The following NUP62CL variants were observed in gnomAD, a reference collection of about 807,000 sequenced individuals.
NUP62CL encodes nucleoporin-62 C-terminal-like protein.
NUP62CL carries 13 observed loss-of-function variants against 15.3 expected under a neutral mutation model. The ratio of observed to expected loss-of-function variants is 0.85; its 90% CI spans 0.55 to 1.35. The LOEUF (loss-of-function observed/expected upper bound fraction) is 1.35. Ranked by LOEUF, NUP62CL falls within the 40% of genes most tolerant of loss-of-function variation. The pLI, the probability that NUP62CL is intolerant of heterozygous loss-of-function variation, is 0.00. For missense variants in NUP62CL, 123 were observed against 130.6 expected (o/e 0.94, Z 0.28); for synonymous variants, 54 against 49.2 (o/e 1.10, Z -0.41).
At position 107,175,510 on chromosome X, in the gene NUP62CL, T is replaced by A. The variant is rs766733485; in HGVS notation, c.-47-317A>T. Among the ~76,000 whole-genome samples, 5 of 111,818 alleles carry A rather than the reference T, an allele frequency of 4.5e-5. No homozygotes were observed. The East Asian group carries it at 1.4e-3, about 32-fold the overall frequency. On this transcript the variant is annotated intron_variant, in intron 2 of 8. Transcript: ENST00000372466. ...TCCCATGGACCTGTTCCCAAGTAAATCCATAACCAGCAAAAAGTTCCAGCA... is the reference window on the plus strand; with the variant it reads ...TCCCATGGACCTGTTCCCAAGTAAAACCATAACCAGCAAAAAGTTCCAGCA...
At chrX:107,204,535 G>A (rs980647702) in intron 1 of NUP62CL, among the ~76,000 whole-genome samples, 16 of 109,847 alleles carry the variant, frequency 1.5e-4, no homozygotes, top group Non-Finnish European at 2.5e-4. Context: ...AATAACATTT[G>A]TTCCCCAAGA....
chrX:107,162,242 T>C (rs970932282), intron 4 of NUP62CL, among the ~76,000 whole-genome samples: 1 of 109,142 alleles, frequency 9.2e-6, no homozygotes, highest in African/African-American at 3.3e-5. Context: ...TGGAAGACAA[T>C]AATAAAAGCA....
chrX:107,185,289 A>G (rs1927033868), intron 2 of NUP62CL, among the ~76,000 whole-genome samples: 1 of 111,344 alleles, frequency 9.0e-6, no homozygotes, highest in Non-Finnish European at 1.9e-5. Context: ...CTCGGGAAGT[A>G]AAAAACAACA....
intron 4 of NUP62CL, among the ~76,000 whole-genome samples, chrX:107,165,288 C>T (rs1926490547): frequency 9.3e-6 from 1 of 107,253 alleles, no homozygotes; most frequent in Non-Finnish European, 1.9e-5. Context: ...CTGGGCGTCA[C>T]AGTGAGACTC....
chrX:107,184,386 A>C (rs1927002233), intron 2 of NUP62CL, among the ~76,000 whole-genome samples: 1 of 111,119 alleles, frequency 9.0e-6, no homozygotes, highest in African/African-American at 3.3e-5. Flanking sequence ...AAGAAACGGA[A>C]GTTATAAAGA....
chrX:107,164,535 GATTA>G (rs780349636), intron 4 of NUP62CL, among the ~76,000 whole-genome samples: 72 of 111,312 alleles, frequency 6.5e-4, no homozygotes, highest in African/African-American at 2.2e-3. Context: ...AATAGAAAAT[GATTA>G]ATTAAACAAA....
intron 3 of NUP62CL, among the ~76,000 whole-genome samples, chrX:107,168,600 A>G: frequency 8.9e-6 from 1 of 112,270 alleles, no homozygotes; most frequent in Non-Finnish European, 1.9e-5. Flanking sequence ...TTCTTACTAC[A>G]CACTGAGCAC....
intron 8 of NUP62CL, among the ~76,000 whole-genome samples, chrX:107,142,450 A>G (rs775661546): frequency 8.9e-6 from 1 of 112,256 alleles, no homozygotes; most frequent in East Asian, 2.8e-4. Flanking sequence ...ATAATTATCC[A>G]GTTCTATTCC....
At chrX:107,169,058 T>G (rs912063389) in intron 3 of NUP62CL, among the ~76,000 whole-genome samples, 1 of 112,321 alleles carries the variant, frequency 8.9e-6, no homozygotes, top group Admixed American at 9.4e-5. Flanking sequence ...CACAAAAAGC[T>G]CTAGTGAAAC....
chrX:107,160,950 C>T (rs1175105544), intron 4 of NUP62CL, among the ~76,000 whole-genome samples: 35 of 109,965 alleles, frequency 3.2e-4, no homozygotes, highest in African/African-American at 1.1e-3. Flanking sequence ...AAACAAACAA[C>T]CCCATCAAAA....
At chrX:107,188,738 A>T (rs750782861) in intron 2 of NUP62CL, among the ~76,000 whole-genome samples, 2 of 111,447 alleles carry the variant, frequency 1.8e-5, no homozygotes, top group South Asian at 7.5e-4. Flanking sequence ...TACAAAAAAA[A>T]CTCCTAGAAT....
rs1054488845 is a variant in NUP62CL, at chrX:107,149,366, G to A, written c.531-1557C>T. ...CTAATATTTCATTAAGAGAAAATCT[G>A]TATTTTGTAAACTCTTGATCATTTG... On this transcript the variant is annotated intron_variant, in intron 7 of 8. Transcript: ENST00000372466. Among the ~76,000 whole-genome samples the A allele has an allele frequency of 2.7e-5, 3 of 112,355 alleles. No homozygotes were observed. The Admixed American group carries it at 2.8e-4, about 11-fold the overall frequency.
chrX:107,145,972 T>C (rs1237858271), intron 8 of NUP62CL, among the ~76,000 whole-genome samples: 2 of 111,915 alleles, frequency 1.8e-5, no homozygotes, highest in East Asian at 2.8e-4. Context: ...TCTTTCAGAA[T>C]GTCTCACATG....
rs747907659 is a variant in NUP62CL, at chrX:107,124,119, A to C, written c.*256T>G. The C allele has an allele frequency of 1.1e-4, 29 of 257,336 alleles. No individual in the cohort carries two copies. Among genetic ancestry groups the C allele is most frequent in the African/African-American group, 8.5e-4 (29 of 34,210 alleles). The allele number at this position is 257,336 out of a possible 1,213,427, so 21.2% of individuals were successfully genotyped here. A position where few individuals can be genotyped will look rare whatever the true frequency, so the allele number is the denominator to read the frequency against. On this transcript the variant is annotated 3_prime_UTR_variant, in exon 9 of 9. Transcript: ENST00000372466. ...TTCTCAACAGTACAATACTTAAATGAAAAAAAGGATGCACAATTCATTATG... is the reference window on the plus strand; with the variant it reads ...TTCTCAACAGTACAATACTTAAATGCAAAAAAGGATGCACAATTCATTATG...
chrX:107,152,135 GAT>G (rs5903301), intron 7 of NUP62CL, among the ~76,000 whole-genome samples: 2 of 47,289 alleles, frequency 4.2e-5, no homozygotes, highest in Non-Finnish European at 6.5e-5. Flanking sequence ...TATATATTCA[GAT>G]ATATATATAT....
intron 1 of NUP62CL, chrX:107,202,469 TGTGA>T (rs1428684560): frequency 9.0e-6 from 1 of 110,608 alleles, no homozygotes; most frequent in East Asian, 2.8e-4. Flanking sequence ...AAAGTAACAG[TGTGA>T]GTGTTACTAT....
At chrX:107,204,127 C>A (rs1395620532) in intron 1 of NUP62CL, among the ~76,000 whole-genome samples, 1 of 111,100 alleles carries the variant, frequency 9.0e-6, no homozygotes, top group East Asian at 2.8e-4. Flanking sequence ...TAAAACCGAA[C>A]TAGGAGTCAA....
At chrX:107,199,538 G>A (rs755872599) in intron 1 of NUP62CL, among the ~76,000 whole-genome samples, 4 of 111,950 alleles carry the variant, frequency 3.6e-5, no homozygotes, top group Admixed American at 1.9e-4. Flanking sequence ...TTAGCCATAC[G>A]ATTTATTAAA....
At chrX:107,184,641 A>G (rs1217138464) in intron 2 of NUP62CL, among the ~76,000 whole-genome samples, 1 of 111,869 alleles carries the variant, frequency 8.9e-6, no homozygotes, top group East Asian at 2.8e-4. Context: ...ACAAGAAGAG[A>G]AAGAGGGTAG....
Sources: allele counts gnomAD v4.1 joint callset (sites outside exome capture counted in the v4.1 genomes callset), GRCh38; gene constraint gnomAD v4.1.1; transcripts MANE v1.5; gene names NCBI Gene and HGNC (gene_info 2026-07-23, HGNC 2026-07-21).